Variants in FAM227A observed in about 807,000 individuals in gnomAD.
The protein encoded by FAM227A is family with sequence similarity 227 member A.
Under a neutral mutation model 74.7 loss-of-function variants are expected in FAM227A, and 80 were observed. That is an observed-to-expected ratio of 1.07 (90% CI 0.89 to 1.29). The LOEUF is 1.29. Ranked by LOEUF, FAM227A falls within the 50% of genes most tolerant of loss-of-function variation. The pLI, the probability that FAM227A is intolerant of heterozygous loss-of-function variation, is 0.00. For synonymous variants in FAM227A, 237 were observed against 241.8 expected (o/e 0.98, Z 0.19); for missense variants, 654 against 683.4 (o/e 0.96, Z 0.48).
chr22:38,645,018 C>T (rs1053500924), intron 3 of FAM227A, among the ~76,000 whole-genome samples: 4 of 147,786 alleles, frequency 2.7e-5, no homozygotes, highest in East Asian at 2.0e-4. Flanking sequence ...GAAAGGGAGG[C>T]GGAGGTTGCA....
Position 38,582,276 on chromosome 22 carries a change from A to T in FAM227A, c.*3849T>A. On this transcript the variant is annotated 3_prime_UTR_variant, in exon 17 of 17. Transcript: ENST00000535113. The stretch of plus-strand genomic sequence containing the variant: ...TCTTCAGGAAACTGTATGTTCTAAA[A>T]CATACATTTCATCATCAATTCATAA... The T allele has an allele frequency of 6.9e-7, 1 of 1,452,102 alleles. No homozygotes were observed. Among genetic ancestry groups the T allele is most frequent in the Non-Finnish European group, 9.4e-7 (1 of 1,062,992 alleles). 90.0% of individuals were successfully genotyped at this position (1,452,102 alleles called of 1,614,324 possible).
chr22:38,620,108 A>G, intron 11 of FAM227A, 104 bp downstream of exon 11: 2 of 769,690 alleles, frequency 2.6e-6, no homozygotes, highest in Admixed American at 4.7e-5. Context: ...CAAGGGGTAC[A>G]GAGATGTGCA....
At position 38,648,379 on chromosome 22, in the gene FAM227A, A is replaced by G. The variant is rs777268324; in HGVS notation, c.142+1648T>C. Among the ~76,000 whole-genome samples, 958 of 146,282 alleles carry G rather than the reference A, an allele frequency of 6.5e-3. 10 individuals carry two copies. Among genetic ancestry groups the G allele is most frequent in the Middle Eastern group, 0.016 (4 of 258 alleles). Reference sequence around the variant, plus strand: ...CCCAAGCACTTTGGGAGGCTGAGGCAGGCGGATCACCTGAGGTCAGGAGTT... The same window carrying G: ...CCCAAGCACTTTGGGAGGCTGAGGCGGGCGGATCACCTGAGGTCAGGAGTT... On this transcript the variant is annotated intron_variant, in intron 2 of 16. Transcript: ENST00000535113.
In FAM227A at chr22:38,585,259, A is replaced by T. The variant is rs1352250064; in HGVS notation, c.*866T>A. On this transcript the variant is annotated 3_prime_UTR_variant, in exon 17 of 17. Transcript: ENST00000535113. The stretch of plus-strand genomic sequence containing the variant: ...TTTTCTTATTTCTATTTTAGATTAA[A>T]TCAGACAACATGTGCATGCTTTACC... 1 of 152,136 alleles carries T rather than the reference A, an allele frequency of 6.6e-6. No homozygotes were observed. The highest frequency in any genetic ancestry group is 2.4e-5 in the African/African-American group (1 of 41,416). The allele number at this position is 152,136 out of a possible 1,614,324, so 9.4% of individuals were successfully genotyped here.
chr22:38,626,119 G>A (rs552626194), intron 9 of FAM227A, 61 bp downstream of exon 9: 1 of 1,528,896 alleles, frequency 6.5e-7, no homozygotes, highest in African/African-American at 1.4e-5. Flanking sequence ...ACATACCTAG[G>A]TGCCAGCGGA....
rs181263500 is a variant in FAM227A, at chr22:38,643,190, C to T, written c.225+2373G>A. ...AATGAGACGGGAGTGGTGGTGGGTG[C>T]CTGTAATCCCAGCTACTCAGGAGGC... is the stretch of plus-strand genomic sequence containing the variant. On this transcript the variant is annotated intron_variant, in intron 3 of 16. Transcript: ENST00000535113. Among the ~76,000 whole-genome samples the T allele has an allele frequency of 3.8e-3, 567 of 150,148 alleles. 2 individuals carry two copies. The highest frequency in any genetic ancestry group is 6.2e-3 in the Non-Finnish European group (420 of 67,472).
chr22:38,610,183 T>TA (rs1020392684), intron 11 of FAM227A, among the ~76,000 whole-genome samples: 3 of 151,770 alleles, frequency 2.0e-5, no homozygotes, highest in East Asian at 1.9e-4. Flanking sequence ...CTGGCTAATT[T>TA]AAAAAAAAAT....
chr22:38,595,083 C>T (rs534709265), intron 15 of FAM227A, among the ~76,000 whole-genome samples: 15 of 152,144 alleles, frequency 9.9e-5, no homozygotes, highest in African/African-American at 3.4e-4. Flanking sequence ...GGCGACAGAG[C>T]GAGACTCCAT....
intron 2 of FAM227A, among the ~76,000 whole-genome samples, chr22:38,646,031 C>A (rs2092229503): frequency 6.6e-6 from 1 of 152,122 alleles, no homozygotes; most frequent in South Asian, 2.1e-4. Flanking sequence ...GTGATCCACT[C>A]ACCTCAGCCT....
At chr22:38,646,612 G>A (rs1471554846) in intron 2 of FAM227A, among the ~76,000 whole-genome samples, 4 of 151,398 alleles carry the variant, frequency 2.6e-5, no homozygotes, top group Non-Finnish European at 4.4e-5. Context: ...CTGAGTGTAC[G>A]CCTGTTTTAC....
At chr22:38,654,841 G>C (rs1259427402) in intron 1 of FAM227A, among the ~76,000 whole-genome samples, 1 of 150,504 alleles carries the variant, frequency 6.6e-6, no homozygotes, top group Admixed American at 6.6e-5. Context: ...CCAGCTATTC[G>C]AGAGGCTGAG....
chr22:38,608,691 A>G (rs1249301821), intron 11 of FAM227A, among the ~76,000 whole-genome samples: 1 of 151,908 alleles, frequency 6.6e-6, no homozygotes, highest in Admixed American at 6.6e-5. Context: ...TCGGCCTCCC[A>G]AAGTGCTGGG....
chr22:38,612,702 C>A (rs529847503), intron 11 of FAM227A, among the ~76,000 whole-genome samples: 1 of 152,162 alleles, frequency 6.6e-6, no homozygotes, highest in South Asian at 2.1e-4. Flanking sequence ...GGGAAGTATG[C>A]GGACTCCAGT....
chr22:38,613,080 A>ATATAT (rs1569206424), intron 11 of FAM227A, among the ~76,000 whole-genome samples: 90 of 96,508 alleles, frequency 9.3e-4, no homozygotes, highest in African/African-American at 3.5e-3. Flanking sequence ...TATTATATAT[A>ATATAT]ATTATATATA....
intron 8 of FAM227A, among the ~76,000 whole-genome samples, chr22:38,626,892 ATATATAT>A (rs1392384809): frequency 4.9e-4 from 29 of 59,206 alleles, no homozygotes; most frequent in African/African-American, 2.6e-3. Context: ...AAAAAAAAAA[ATATATAT>A]ATATATATAT....
intron 6 of FAM227A, among the ~76,000 whole-genome samples, chr22:38,634,472 A>G (rs948310152): frequency 6.6e-6 from 1 of 152,136 alleles, no homozygotes; most frequent in Non-Finnish European, 1.5e-5. Flanking sequence ...AGAATTTATG[A>G]CTTTTAGCAC....
chr22:38,633,234 G>A (rs990609334), intron 6 of FAM227A, among the ~76,000 whole-genome samples: 4 of 152,206 alleles, frequency 2.6e-5, no homozygotes, highest in African/African-American at 9.6e-5. Flanking sequence ...AGTTTCCTGG[G>A]AGCCAAAGAA....
chr22:38,605,048 C>T (rs904643805), intron 13 of FAM227A, among the ~76,000 whole-genome samples: 1 of 152,178 alleles, frequency 6.6e-6, no homozygotes, highest in Non-Finnish European at 1.5e-5. Flanking sequence ...CCCAGCATCA[C>T]TTTGCTCATT....
At chr22:38,611,388 G>C (rs1339830780) in intron 11 of FAM227A, among the ~76,000 whole-genome samples, 1 of 152,134 alleles carries the variant, frequency 6.6e-6, no homozygotes, top group African/African-American at 2.4e-5. Context: ...CCTGGAATTA[G>C]CAGGTATGGG....
Sources: allele counts gnomAD v4.1 joint callset (sites outside exome capture counted in the v4.1 genomes callset), GRCh38; gene constraint gnomAD v4.1.1; transcripts MANE v1.5; gene names NCBI Gene and HGNC (gene_info 2026-07-23, HGNC 2026-07-21).